The following SPATA17 variants were observed in gnomAD, a reference collection of about 807,000 sequenced individuals.
SPATA17 encodes spermatogenesis associated 17.
A neutral mutation model predicts 62.2 loss-of-function variants in SPATA17; 53 were observed. The ratio of observed to expected loss-of-function variants is 0.85; its 90% CI spans 0.68 to 1.07. The LOEUF (loss-of-function observed/expected upper bound fraction) is 1.07, where lower values mean the gene tolerates loss of function less well. Ranked by LOEUF, SPATA17 falls within the 50% of genes least tolerant of loss-of-function variation. SPATA17 has a pLI of 0.00. For missense variants in SPATA17, 466 were observed against 425.5 expected, an observed-to-expected ratio of 1.10 and a Z score of -0.84; for synonymous variants, 146 against 146.8, an observed-to-expected ratio of 0.99 and a Z score of 0.04.
chr1:217,834,101 G>A (rs1675205898), intron 9 of SPATA17, among the ~76,000 whole-genome samples: 1 of 152,064 alleles, frequency 6.6e-6, no homozygotes, highest in Non-Finnish European at 1.5e-5. Flanking sequence ...AGATTATAAG[G>A]AAGCTTAAAC....
At chr1:217,810,626 A>T (rs1047144777) in intron 9 of SPATA17, among the ~76,000 whole-genome samples, 6 of 152,062 alleles carry the variant, frequency 3.9e-5, no homozygotes, top group Non-Finnish European at 8.8e-5. Context: ...TCAAAAAAAA[A>T]AGAAAGAAAG....
intron 6 of SPATA17, among the ~76,000 whole-genome samples, chr1:217,744,739 C>G (rs905855999): frequency 2.0e-5 from 3 of 152,042 alleles, no homozygotes; most frequent in African/African-American, 7.2e-5. Flanking sequence ...TTGAAAGAAC[C>G]CAAGTATTGT....
chr1:217,798,908 C>G (rs1220040574), intron 8 of SPATA17, among the ~76,000 whole-genome samples: 1 of 149,602 alleles, frequency 6.7e-6, no homozygotes, highest in South Asian at 2.1e-4. Flanking sequence ...CGGAGTCTCA[C>G]TCTGTCGCCT....
intron 5 of SPATA17, among the ~76,000 whole-genome samples, chr1:217,723,292 A>G (rs1466954016): frequency 6.6e-6 from 1 of 152,166 alleles, no homozygotes; most frequent in African/African-American, 2.4e-5. Flanking sequence ...AATGCATACC[A>G]TGAATACATG....
chr1:217,651,433 A>C (rs1670310756), intron 3 of SPATA17, among the ~76,000 whole-genome samples: 1 of 152,190 alleles, frequency 6.6e-6, no homozygotes, highest in African/African-American at 2.4e-5. Context: ...CACAGTATGC[A>C]TTTATACTTA....
At chr1:217,810,149 G>A (rs768180894) in intron 9 of SPATA17, among the ~76,000 whole-genome samples, 25 of 151,902 alleles carry the variant, frequency 1.6e-4, no homozygotes, top group Non-Finnish European at 3.4e-4. Context: ...TATATTCTGA[G>A]GTATTTTTTG....
At chr1:217,797,343 G>C (rs187759369) in intron 8 of SPATA17, among the ~76,000 whole-genome samples, 1 of 147,460 alleles carries the variant, frequency 6.8e-6, no homozygotes, top group Non-Finnish European at 1.5e-5. Context: ...TCCACCTCCC[G>C]GGTTCAGATG....
chr1:217,734,642 G>A (rs1283391856), intron 5 of SPATA17, among the ~76,000 whole-genome samples: 2 of 152,106 alleles, frequency 1.3e-5, no homozygotes, highest in Non-Finnish European at 2.9e-5. Context: ...TGCAGATGAT[G>A]GCATTTTGTT....
Position 217,862,863 on chromosome 1 carries a change from CT to C in SPATA17, c.*2+12del. 1 of 1,559,752 alleles carries C rather than the reference CT, an allele frequency of 6.4e-7. No individual in the cohort carries two copies. Among genetic ancestry groups the C allele is most frequent in the Non-Finnish European group, 8.7e-7 (1 of 1,145,118 alleles). Reference sequence around the variant, plus strand: ...CTGGACAGATTGTATAAAGGTATGACTTTTTGCTAAGAAGTAATTCAAAAAG... The same window carrying C: ...CTGGACAGATTGTATAAAGGTATGACTTTTGCTAAGAAGTAATTCAAAAAG... On this transcript the variant is annotated splice_region_variant and intron_variant, in intron 10 of 10. Coordinates refer to ENST00000366933, the MANE Select transcript of SPATA17 (RefSeq NM_138796.4).
At chr1:217,742,936 G>C (rs961474030) in intron 6 of SPATA17, among the ~76,000 whole-genome samples, 6 of 141,544 alleles carry the variant, frequency 4.2e-5, no homozygotes, top group South Asian at 2.2e-4. Flanking sequence ...ATCCTTAGAG[G>C]CATCCAAATT....
chr1:217,687,558 A>G (rs61827784), intron 5 of SPATA17, among the ~76,000 whole-genome samples: 5,837 of 152,296 alleles, frequency 0.038, 159 homozygotes, highest in Middle Eastern at 0.088. Context: ...TCAATACACA[A>G]ATAGTTACAG....
rs865797335 is a variant in SPATA17 at position 217,703,174 on chromosome 1, C to T, written c.395+19813C>T. Among the ~76,000 whole-genome samples, 153 of 105,488 alleles carry T rather than the reference C, an allele frequency of 1.5e-3. 5 individuals are homozygous for T. The highest frequency in any genetic ancestry group is 0.018 in the Middle Eastern group (2 of 114). The allele number at this position is 105,488 out of a possible 152,430, so 69.2% of individuals were successfully genotyped here. On this transcript the variant is annotated intron_variant, in intron 5 of 10. Transcript: ENST00000366933. The stretch of plus-strand genomic sequence containing the variant: ...ACAGGCGTGAGCCATTGCGCTCGGC[C>T]TTTTTTTTTTTTTTGAAATGGAGTC...
At chr1:217,798,473 T>A (rs1346531477) in intron 8 of SPATA17, among the ~76,000 whole-genome samples, 1 of 152,158 alleles carries the variant, frequency 6.6e-6, no homozygotes, top group Non-Finnish European at 1.5e-5. Flanking sequence ...TGTTTAAGAG[T>A]CTTGTATTTA....
intron 5 of SPATA17, among the ~76,000 whole-genome samples, chr1:217,709,972 C>T (rs1345961642): frequency 6.6e-6 from 1 of 152,142 alleles, no homozygotes. Flanking sequence ...AATCCTCTAT[C>T]TTTGGGGGTT....
At chr1:217,763,106 G>A (rs1209826080) in intron 6 of SPATA17, among the ~76,000 whole-genome samples, 1 of 152,202 alleles carries the variant, frequency 6.6e-6, no homozygotes, top group East Asian at 1.9e-4. Flanking sequence ...AGCCAGAGTT[G>A]AGAACCCACA....
intron 9 of SPATA17, among the ~76,000 whole-genome samples, chr1:217,827,595 C>A (rs1675026002): frequency 6.6e-6 from 1 of 152,116 alleles, no homozygotes; most frequent in African/African-American, 2.4e-5. Flanking sequence ...CTGTTCATTG[C>A]AGCACTACTC....
At chr1:217,644,766 C>A (rs1257207678) in intron 1 of SPATA17, among the ~76,000 whole-genome samples, 1 of 151,722 alleles carries the variant, frequency 6.6e-6, no homozygotes, top group African/African-American at 2.4e-5. Flanking sequence ...CCAGTTATTT[C>A]TTGATGTTTT....
chr1:217,656,064 A>C (rs1470409476), intron 3 of SPATA17, among the ~76,000 whole-genome samples: 1 of 151,200 alleles, frequency 6.6e-6, no homozygotes. Context: ...TTGTATTTTT[A>C]GTAGAGATGG....
At chr1:217,771,103 G>A (rs1044023815) in intron 6 of SPATA17, among the ~76,000 whole-genome samples, 7 of 147,638 alleles carry the variant, frequency 4.7e-5, no homozygotes, top group South Asian at 2.2e-4. Context: ...GTCAGCAGCC[G>A]GGCCTGATGC....
Sources: allele counts gnomAD v4.1 joint callset (sites outside exome capture counted in the v4.1 genomes callset), GRCh38; gene constraint gnomAD v4.1.1; transcripts MANE v1.5; gene names NCBI Gene and HGNC (gene_info 2026-07-23, HGNC 2026-07-21).